The following FOXO1 variants were observed in gnomAD, a reference collection of about 807,000 sequenced individuals.
The protein encoded by FOXO1 is forkhead box O1, also known as forkhead box protein O1.
Under a neutral mutation model 44.1 loss-of-function variants are expected in FOXO1, and 6 were observed. The ratio of observed to expected loss-of-function variants is 0.14; its 90% CI spans 0.07 to 0.27. The LOEUF is 0.27. Among genes scored for constraint, FOXO1 ranks in the 10% least tolerant of loss-of-function variants. The pLI is 1.00. For missense variants in FOXO1, 737 were observed against 888.8 expected (o/e 0.83, Z 2.17); for synonymous variants, 380 against 362.7 (o/e 1.05, Z -0.54).
At chr13:40,606,828 C>T (rs1876018440) in intron 1 of FOXO1, among the ~76,000 whole-genome samples, 1 of 152,176 alleles carries the variant, frequency 6.6e-6, no homozygotes, top group Non-Finnish European at 1.5e-5. Flanking sequence ...ACTCCCACAT[C>T]CAACTTCCTC....
In FOXO1 at chr13:40,666,369, A is replaced by C. The variant is rs1878257555; in HGVS notation, c.-157T>G. 5.5e-6 allele frequency: 3 copies of C among 542,168 alleles called. No individual in the cohort carries two copies. The highest frequency in any genetic ancestry group is 4.0e-5 in the African/African-American group (2 of 50,220). 33.6% of individuals were successfully genotyped at this position (542,168 alleles called of 1,614,324 possible). On this transcript the variant is annotated 5_prime_UTR_variant, in exon 1 of 3. Coordinates refer to ENST00000379561, the MANE Select transcript of FOXO1 (RefSeq NM_002015.4). Reference sequence around the variant, plus strand: ...GGAAACTGGGAGGAAGGCGCGGCGGAGTGGAAGCGCGAGCCCAGAACTTAA... The same window carrying C: ...GGAAACTGGGAGGAAGGCGCGGCGGCGTGGAAGCGCGAGCCCAGAACTTAA...
Position 40,560,195 on chromosome 13 carries a change from G to A in FOXO1, c.1296C>T (p.Ser432=). 6.2e-7 allele frequency: 1 copy of A among 1,614,148 alleles called. No homozygotes were observed. Among genetic ancestry groups the A allele is most frequent in the Non-Finnish European group, 8.5e-7 (1 of 1,180,024 alleles). The part of the protein sequence containing the change: ...QKYTYGQSSM[S]PLPQMPIQTL... ...TTTGTATAGGCATCTGGGGCAAAGG[G>A]CTCATGCTGGATTGGCCATATGTAT... The change falls in exon 2 of 3, where the codon AGC becomes AGT. Residue 432 remains serine (S), a synonymous_variant. Transcript: ENST00000379561. The surrounding 1 kb of genome is among the most constrained non-coding windows in gnomAD (Gnocchi z 5.1).
intron 1 of FOXO1, among the ~76,000 whole-genome samples, chr13:40,599,483 A>C (rs1593394470): frequency 6.6e-6 from 1 of 152,326 alleles, no homozygotes; most frequent in Non-Finnish European, 1.5e-5. Context: ...AGCTGGACGA[A>C]GTTTTGTACG....
At position 40,636,517 on chromosome 13, in the gene FOXO1, C is replaced by CTTT. The variant is rs376651061; in HGVS notation, c.630+29063_630+29065dup. ...AGATCCCATTTCTATTTTTCAAAAA[C>CTTT]TTTTTTTTTTTTTTTTTTTTGAGAC... On this transcript the variant is annotated intron_variant, in intron 1 of 2. Transcript: ENST00000379561. Among the ~76,000 whole-genome samples the CTTT allele has an allele frequency of 7.6e-3, 927 of 121,896 alleles. 37 individuals are homozygous for CTTT. Among genetic ancestry groups the CTTT allele is most frequent in the African/African-American group, 0.024 (749 of 31,080 alleles). The allele number at this position is 121,896 out of a possible 152,430, so 80.0% of individuals were successfully genotyped here. A position where few individuals can be genotyped will look rare whatever the true frequency, so the allele number is the denominator to read the frequency against.
At chr13:40,571,734 T>G (rs1438877636) in intron 1 of FOXO1, among the ~76,000 whole-genome samples, 3 of 152,248 alleles carry the variant, frequency 2.0e-5, no homozygotes, top group Non-Finnish European at 2.9e-5. Flanking sequence ...GAAGTAATTC[T>G]GCTGTTCCTA....
chr13:40,664,198 G>C (rs1159501362), intron 1 of FOXO1, among the ~76,000 whole-genome samples: 2 of 152,170 alleles, frequency 1.3e-5, no homozygotes, highest in Non-Finnish European at 2.9e-5. Context: ...GCTTGAACCA[G>C]AGAGTCGGAG....
intron 1 of FOXO1, among the ~76,000 whole-genome samples, chr13:40,600,970 A>G (rs1309142769): frequency 6.6e-6 from 1 of 152,214 alleles, no homozygotes; most frequent in Non-Finnish European, 1.5e-5. Flanking sequence ...GGAAAAACAT[A>G]AAACCTGAGA....
intron 1 of FOXO1, among the ~76,000 whole-genome samples, chr13:40,651,519 A>G (rs1877686492): frequency 8.2e-6 from 1 of 121,516 alleles, no homozygotes; most frequent in Non-Finnish European, 1.6e-5. Context: ...TTTTTTAATT[A>G]TACCAAATAA....
chr13:40,659,893 T>A (rs1471830657), intron 1 of FOXO1, among the ~76,000 whole-genome samples: 4 of 152,228 alleles, frequency 2.6e-5, no homozygotes, highest in African/African-American at 7.2e-5. Context: ...ATGTTTCCTA[T>A]GTTCCTTAGA....
intron 1 of FOXO1, among the ~76,000 whole-genome samples, chr13:40,578,657 GCTCTACAA>G (rs1471375953): frequency 3.3e-5 from 5 of 152,168 alleles, no homozygotes; most frequent in African/African-American, 9.7e-5. Context: ...TTCGGCATGT[GCTCTACAA>G]AATAATGGTT....
intron 1 of FOXO1, among the ~76,000 whole-genome samples, chr13:40,562,147 C>G (rs958473618): frequency 1.3e-5 from 2 of 152,048 alleles, no homozygotes; most frequent in African/African-American, 4.8e-5. Context: ...AGTAGTGCCC[C>G]TACCCTCCAG....
Position 40,662,170 on chromosome 13 carries a change from CAAAAAAAAAAA to C in FOXO1, c.630+3402_630+3412del, listed in dbSNP as rs57350461. On this transcript the variant is annotated intron_variant, in intron 1 of 2. Transcript: ENST00000379561. ...TGGGCAACAGAGTGAGACTCTGACTCAAAAAAAAAAAAAAAAAAAAAAAAAAGATATTTATC... is the reference window on the plus strand; with the variant it reads ...TGGGCAACAGAGTGAGACTCTGACTCAAAAAAAAAAAAAAAGATATTTATC... Among the ~76,000 whole-genome samples, 45 of 56,730 alleles carry C rather than the reference CAAAAAAAAAAA, an allele frequency of 7.9e-4. 1 individual carries two copies. The highest frequency in any genetic ancestry group is 7.1e-4 in the African/African-American group (12 of 16,872). 37.2% of individuals were successfully genotyped at this position (56,730 alleles called of 152,430 possible).
chr13:40,607,447 A>AT (rs1484078585), intron 1 of FOXO1, among the ~76,000 whole-genome samples: 1 of 131,248 alleles, frequency 7.6e-6, no homozygotes, highest in Admixed American at 9.2e-5. Context: ...TCCCCTACTA[A>AT]TTTCCCACTT....
In FOXO1 at chr13:40,666,227, C is replaced by T; in HGVS notation, c.-15G>A. ...GCCTCGGCCATGGTGACCCCCGCCCCTCCCCCAGCCGCAGGAGAGCCAAGA... is the reference window on the plus strand; with the variant it reads ...GCCTCGGCCATGGTGACCCCCGCCCTTCCCCCAGCCGCAGGAGAGCCAAGA... On this transcript the variant is annotated 5_prime_UTR_variant, in exon 1 of 3. Coordinates refer to ENST00000379561, the MANE Select transcript of FOXO1 (RefSeq NM_002015.4). 1 of 1,389,776 alleles carries T rather than the reference C, an allele frequency of 7.2e-7. No individual in the cohort carries two copies. The highest frequency in any genetic ancestry group is 9.3e-7 in the Non-Finnish European group (1 of 1,072,890). The allele number at this position is 1,389,776 out of a possible 1,614,324, so 86.1% of individuals were successfully genotyped here.
At chr13:40,649,337 C>T (rs1055380534) in intron 1 of FOXO1, among the ~76,000 whole-genome samples, 4 of 152,182 alleles carry the variant, frequency 2.6e-5, no homozygotes, top group African/African-American at 9.7e-5. Context: ...TCCCAATACC[C>T]TTTAAAATCA....
At chr13:40,584,534 G>C (rs375799194) in intron 1 of FOXO1, among the ~76,000 whole-genome samples, 1 of 138,804 alleles carries the variant, frequency 7.2e-6, no homozygotes, top group African/African-American at 2.7e-5. Context: ...TATAGTCCTA[G>C]CTATTCAGGA....
At chr13:40,599,821 C>T (rs568706523) in intron 1 of FOXO1, among the ~76,000 whole-genome samples, 190 of 152,212 alleles carry the variant, frequency 1.2e-3, no homozygotes, top group African/African-American at 4.2e-3. Context: ...TAGATTTTAT[C>T]CTCAAAGTAG....
At chr13:40,604,435 T>C (rs1356867233) in intron 1 of FOXO1, among the ~76,000 whole-genome samples, 1 of 152,084 alleles carries the variant, frequency 6.6e-6, no homozygotes, top group African/African-American at 2.4e-5. Context: ...ATGATCTGTA[T>C]GTGGTTCTCT....
chr13:40,655,030 G>T lies in FOXO1; in HGVS notation c.630+10553C>A, dbSNP rs9577095. Among the ~76,000 whole-genome samples, 163 of 152,156 alleles carry T rather than the reference G, an allele frequency of 1.1e-3. 4 individuals are homozygous for T. The East Asian group carries it at 0.019, about 18-fold the overall frequency. On this transcript the variant is annotated intron_variant, in intron 1 of 2. Coordinates refer to ENST00000379561, the MANE Select transcript of FOXO1 (RefSeq NM_002015.4). The stretch of plus-strand genomic sequence containing the variant: ...TGTGCTGTAATTCTGAACTTCACTG[G>T]ATCTACAAACATCAATAGTGGTCGG...
Sources: gnomAD v4.1 joint callset for allele counts (sites outside exome capture counted in the v4.1 genomes callset) on GRCh38, gnomAD v4.1.1 for gene constraint, Gnocchi (gnomAD v3.1) non-coding constraint, MANE v1.5 for transcripts, NCBI Gene and HGNC (gene_info 2026-07-23, HGNC 2026-07-21) for gene names.